Variants in ENPP1 observed in about 807,000 individuals in gnomAD.
The protein encoded by ENPP1 is ectonucleotide pyrophosphatase/phosphodiesterase family member 1.
In ENPP1, 73 loss-of-function variants were observed where a neutral mutation model predicts 122.8. That is an observed-to-expected ratio of 0.59 (90% CI 0.49 to 0.72). The LOEUF is 0.72. Among genes scored for constraint, ENPP1 ranks in the 30% least tolerant of loss-of-function variants. ENPP1 has a pLI of 0.00. For missense variants in ENPP1, 978 were observed against 1,128.1 expected, an observed-to-expected ratio of 0.87 and a Z score of 1.91; for synonymous variants, 367 against 391.6, an observed-to-expected ratio of 0.94 and a Z score of 0.74.
chr6:131,820,025 T>G, intron 1 of ENPP1: 1 of 558,720 alleles, frequency 1.8e-6, no homozygotes, highest in Non-Finnish European at 3.5e-6. Flanking sequence ...AAATCTGTTA[T>G]CAAAGATAAT....
chr6:131,862,967 T>A (rs2114704848), intron 9 of ENPP1, among the ~76,000 whole-genome samples: 1 of 152,272 alleles, frequency 6.6e-6, no homozygotes, highest in Middle Eastern at 3.4e-3. Flanking sequence ...GTTTCAGAGT[T>A]AAACTATCAA....
At chr6:131,855,058 C>T (rs1320661606) in intron 6 of ENPP1, 35 bp downstream of exon 6, 1 of 1,372,192 alleles carries the variant, frequency 7.3e-7, no homozygotes, top group Non-Finnish European at 1.0e-6. Flanking sequence ...TGGAATATCA[C>T]CATTTCAGTG....
chr6:131,839,021 G>A (rs1781709336), intron 1 of ENPP1, among the ~76,000 whole-genome samples: 1 of 152,068 alleles, frequency 6.6e-6, no homozygotes, highest in Non-Finnish European at 1.5e-5. Context: ...GTTCTCCACT[G>A]AGTTCTTCTA....
At chr6:131,865,871 C>T (rs1004631817) in intron 11 of ENPP1, among the ~76,000 whole-genome samples, 2 of 151,946 alleles carry the variant, frequency 1.3e-5, no homozygotes, top group Non-Finnish European at 2.9e-5. Flanking sequence ...TGGTGTGTGC[C>T]TATAATCCCA....
At chr6:131,828,087 C>A in intron 1 of ENPP1, 2 of 620,100 alleles carry the variant, frequency 3.2e-6, no homozygotes, top group South Asian at 1.4e-5. Flanking sequence ...AGCTGTTTCT[C>A]GTAACAGACA....
intron 1 of ENPP1, among the ~76,000 whole-genome samples, chr6:131,841,710 A>G (rs1175317896): frequency 4.6e-5 from 7 of 152,192 alleles, no homozygotes; most frequent in Non-Finnish European, 1.0e-4. Flanking sequence ...AAATAAATCC[A>G]TGCCTCTCGG....
chr6:131,866,928 C>T (rs2114709213), intron 11 of ENPP1, among the ~76,000 whole-genome samples: 1 of 152,320 alleles, frequency 6.6e-6, no homozygotes, highest in Non-Finnish European at 1.5e-5. Flanking sequence ...AATTTGGCTA[C>T]AGAAAAATCC....
At chr6:131,882,727 A>G (rs1023445951) in intron 21 of ENPP1, among the ~76,000 whole-genome samples, 1 of 149,858 alleles carries the variant, frequency 6.7e-6, no homozygotes, top group Non-Finnish European at 1.5e-5. Flanking sequence ...TAGAACTACC[A>G]AGGGAAAAAT....
chr6:131,821,801 C>G (rs954610782), intron 1 of ENPP1, among the ~76,000 whole-genome samples: 1 of 152,186 alleles, frequency 6.6e-6, no homozygotes, highest in Non-Finnish European at 1.5e-5. Context: ...CCACTGCAGT[C>G]CCCTCTCAAC....
intron 1 of ENPP1, among the ~76,000 whole-genome samples, chr6:131,809,672 T>C (rs973140533): frequency 2.0e-5 from 3 of 152,230 alleles, no homozygotes. Flanking sequence ...CACGATGAGG[T>C]AGTCGATAAT....
At chr6:131,850,723 T>A (rs146824900) in intron 3 of ENPP1, among the ~76,000 whole-genome samples, 53 of 152,216 alleles carry the variant, frequency 3.5e-4, no homozygotes, top group African/African-American at 1.1e-3. Context: ...CTCACACCAT[T>A]ATGCCCAGCT....
At chr6:131,848,055 C>T (rs1009875398) in intron 2 of ENPP1, among the ~76,000 whole-genome samples, 7 of 152,142 alleles carry the variant, frequency 4.6e-5, no homozygotes, top group Non-Finnish European at 8.8e-5. Flanking sequence ...CAAAACATGG[C>T]CGGGGGTTCT....
At chr6:131,833,549 T>C (rs1781638249) in intron 1 of ENPP1, among the ~76,000 whole-genome samples, 1 of 152,222 alleles carries the variant, frequency 6.6e-6, no homozygotes, top group African/African-American at 2.4e-5. Flanking sequence ...ATTATCATTT[T>C]TGGATTTTGT....
At chr6:131,837,382 C>T (rs1184081010) in intron 1 of ENPP1, among the ~76,000 whole-genome samples, 3 of 151,630 alleles carry the variant, frequency 2.0e-5, no homozygotes, top group Admixed American at 1.3e-4. Flanking sequence ...AAAACTTAGC[C>T]GGGTGTGGTG....
chr6:131,853,859 G>A (rs1781910450), intron 5 of ENPP1, among the ~76,000 whole-genome samples: 1 of 152,112 alleles, frequency 6.6e-6, no homozygotes, highest in Admixed American at 6.6e-5. Flanking sequence ...TTTTGGGGTA[G>A]CCACATGGCC....
At chr6:131,867,927 CTTTTT>C in intron 11 of ENPP1, 86 bp from the exon 12 acceptor site, 2 of 737,790 alleles carry the variant, frequency 2.7e-6, no homozygotes, top group East Asian at 2.8e-5. Flanking sequence ...TTGTTTCTTT[CTTTTT>C]TTTTTTTTTT....
chr6:131,821,719 T>G (rs1254429554), intron 1 of ENPP1, among the ~76,000 whole-genome samples: 1 of 152,236 alleles, frequency 6.6e-6, no homozygotes, highest in Non-Finnish European at 1.5e-5. Flanking sequence ...AATTCAGCCA[T>G]CCATCTATCA....
chr6:131,837,917 A>C (rs999431668), intron 1 of ENPP1, among the ~76,000 whole-genome samples: 15 of 152,072 alleles, frequency 9.9e-5, no homozygotes, highest in Non-Finnish European at 2.9e-5. Flanking sequence ...CATTTCTAGA[A>C]ATTTTATTTT....
intron 21 of ENPP1, among the ~76,000 whole-genome samples, chr6:131,882,695 G>T (rs1585842268): frequency 6.8e-6 from 1 of 146,684 alleles, no homozygotes. Flanking sequence ...TTATTTATTG[G>T]TGAAAAATTG....
Sources: allele counts gnomAD v4.1 joint callset (sites outside exome capture counted in the v4.1 genomes callset), GRCh38; gene constraint gnomAD v4.1.1; transcripts MANE v1.5; gene names NCBI Gene and HGNC (gene_info 2026-07-23, HGNC 2026-07-21).